GRM5: variants seen among roughly 807,000 people sequenced by gnomAD.
GRM5 encodes metabotropic glutamate receptor 5.
Under a neutral mutation model 83.1 loss-of-function variants are expected in GRM5, and 19 were observed. That is an observed-to-expected ratio of 0.23 (90% CI 0.16 to 0.34). The LOEUF (loss-of-function observed/expected upper bound fraction) is 0.34, where lower values mean the gene tolerates loss of function less well. GRM5 is among the 10% of genes least tolerant of loss of function. The pLI, the probability that GRM5 is intolerant of heterozygous loss-of-function variation, is 1.00. For synonymous variants in GRM5, 675 were observed against 633.6 expected, an observed-to-expected ratio of 1.07 and a Z score of -0.98; for missense variants, 1,160 against 1,588.3, an observed-to-expected ratio of 0.73 and a Z score of 4.58.
At chr11:88,975,734 A>G (rs1939314142) in intron 2 of GRM5, among the ~76,000 whole-genome samples, 1 of 152,230 alleles carries the variant, frequency 6.6e-6, no homozygotes, top group Admixed American at 6.5e-5. Flanking sequence ...ATCTAAATGT[A>G]TTATATAACA....
At chr11:88,615,181 T>A (rs1938437577) in intron 4 of GRM5, among the ~76,000 whole-genome samples, 1 of 152,080 alleles carries the variant, frequency 6.6e-6, no homozygotes, top group Non-Finnish European at 1.5e-5. Context: ...TGAGCAGCAT[T>A]AGGATCTTGT....
chr11:88,572,850 G>T (rs542896108), intron 7 of GRM5, among the ~76,000 whole-genome samples: 6 of 151,962 alleles, frequency 3.9e-5, no homozygotes, highest in African/African-American at 9.7e-5. Flanking sequence ...AGTCTAAAGC[G>T]CATATAATGT....
chr11:88,512,245 G>C (rs308882), intron 9 of GRM5: 34,529 of 154,190 alleles, frequency 0.22, 4,069 homozygotes, highest in African/African-American at 0.3. Context: ...TGTGCCTTTG[G>C]TTACAGTGCC....
At chr11:88,952,790 C>A (rs1938503842) in intron 2 of GRM5, among the ~76,000 whole-genome samples, 1 of 151,906 alleles carries the variant, frequency 6.6e-6, no homozygotes, top group African/African-American at 2.4e-5. Context: ...CTTGGGCAAT[C>A]ATTTCCATTT....
At chr11:88,526,328 C>T (rs1455022204) in intron 8 of GRM5, among the ~76,000 whole-genome samples, 1 of 152,104 alleles carries the variant, frequency 6.6e-6, no homozygotes, top group Non-Finnish European at 1.5e-5. Context: ...CAGAAATAAC[C>T]TCTTTTACTC....
intron 3 of GRM5, among the ~76,000 whole-genome samples, chr11:88,761,651 C>T (rs1463581740): frequency 2.6e-5 from 4 of 151,962 alleles, no homozygotes; most frequent in Non-Finnish European, 5.9e-5. Context: ...AGATTCAATG[C>T]TATTCCTATC....
chr11:88,983,047 C>T (rs371784876), intron 2 of GRM5, among the ~76,000 whole-genome samples: 9 of 150,650 alleles, frequency 6.0e-5, no homozygotes, highest in Non-Finnish European at 1.0e-4. Context: ...GCCTGGGCAA[C>T]GAGAGCGAAA....
intron 2 of GRM5, among the ~76,000 whole-genome samples, chr11:88,897,247 T>C (rs1945240864): frequency 6.6e-6 from 1 of 151,964 alleles, no homozygotes; most frequent in Non-Finnish European, 1.5e-5. Flanking sequence ...TAAACTGACA[T>C]TCACCAAACT....
intron 2 of GRM5, among the ~76,000 whole-genome samples, chr11:88,994,487 T>TA (rs1940109702): frequency 9.8e-6 from 1 of 102,108 alleles, no homozygotes; most frequent in South Asian, 3.2e-4. Context: ...ATATATATAT[T>TA]ACAATTGCTG....
At chr11:88,741,823 G>C (rs1565209736) in intron 3 of GRM5, among the ~76,000 whole-genome samples, 1 of 151,938 alleles carries the variant, frequency 6.6e-6, no homozygotes, top group Non-Finnish European at 1.5e-5. Context: ...TGGGTGGGAG[G>C]GTTAAGAGAG....
In GRM5 at chr11:88,771,913, T is replaced by A. The variant is rs190006271; in HGVS notation, c.911+77993A>T. ...ATCACTGGTTTGTTCTCCCTCACTA[T>A]GGTTTTGTCTTTTTGAGAATGTCAT... is the stretch of plus-strand genomic sequence containing the variant. On this transcript the variant is annotated intron_variant, in intron 3 of 9. Coordinates refer to ENST00000305447, the MANE Select transcript of GRM5 (RefSeq NM_001143831.3). 1.1e-4 allele frequency among the ~76,000 whole-genome samples: 16 copies of A among 152,252 alleles called. No homozygotes were observed. The East Asian group carries it at 1.4e-3, about 13-fold the overall frequency.
At chr11:88,989,082 C>T in intron 2 of GRM5, among the ~76,000 whole-genome samples, 1 of 151,296 alleles carries the variant, frequency 6.6e-6, no homozygotes, top group African/African-American at 2.4e-5. Flanking sequence ...GATGAAGAGT[C>T]AAGACCCATC....
intron 4 of GRM5, among the ~76,000 whole-genome samples, chr11:88,651,270 A>T (rs2135303437): frequency 6.6e-6 from 1 of 152,224 alleles, no homozygotes; most frequent in Non-Finnish European, 1.5e-5. Flanking sequence ...GAGGCATTTC[A>T]GACCAAAAAA....
rs144139384 is a variant in GRM5 at position 88,513,885 on chromosome 11, C to T, written c.2727-4381G>A. Among the ~76,000 whole-genome samples the T allele has an allele frequency of 7.0e-3, 1,069 of 152,212 alleles. 15 individuals carry two copies. Among genetic ancestry groups the T allele is most frequent in the African/African-American group, 0.024 (1,012 of 41,534 alleles). On this transcript the variant is annotated intron_variant, in intron 9 of 9. Transcript: ENST00000305447. ...CAAGGGGTTATTCATTAACATTAAA[C>T]CTTCTATTCAGTTGAGCTAAGATGT...
At chr11:88,601,091 A>T (rs1001481351) in intron 5 of GRM5, among the ~76,000 whole-genome samples, 2 of 152,170 alleles carry the variant, frequency 1.3e-5, no homozygotes, top group African/African-American at 4.8e-5. Context: ...AAAGAAGGTA[A>T]ATTTTTACTT....
intron 3 of GRM5, among the ~76,000 whole-genome samples, chr11:88,767,271 T>C (rs1453270375): frequency 6.6e-6 from 1 of 152,022 alleles, no homozygotes; most frequent in East Asian, 1.9e-4. Context: ...GGTGTGTCAA[T>C]TCCTCAAATA....
Position 88,825,463 on chromosome 11 carries a change from A to G in GRM5, c.911+24443T>C, listed in dbSNP as rs186029510. On this transcript the variant is annotated intron_variant, in intron 3 of 9. Transcript: ENST00000305447. ...TACTTTCCTTACTTGCCACTCTACCATCTTCATTATATTGAGAAATGAGTT... is the reference window on the plus strand; with the variant it reads ...TACTTTCCTTACTTGCCACTCTACCGTCTTCATTATATTGAGAAATGAGTT... 5.7e-3 allele frequency among the ~76,000 whole-genome samples: 873 copies of G among 152,252 alleles called. 8 individuals are homozygous for G. Among genetic ancestry groups the G allele is most frequent in the African/African-American group, 0.02 (826 of 41,544 alleles).
At chr11:88,750,194 T>C (rs1014048457) in intron 3 of GRM5, among the ~76,000 whole-genome samples, 1 of 151,858 alleles carries the variant, frequency 6.6e-6, no homozygotes, top group African/African-American at 2.4e-5. Context: ...AAGAGACCCA[T>C]CTCACATGCA....
Position 88,604,758 on chromosome 11 carries a change from C to T in GRM5, c.1354G>A (p.Asp452Asn). 3 of 1,612,368 alleles carry T rather than the reference C, an allele frequency of 1.9e-6. No homozygotes were observed. The highest frequency in any genetic ancestry group is 1.7e-4 in the Middle Eastern group (1 of 6,056). Reference sequence around the variant, plus strand: ...CCATTCTCATCGAATAGGATCGTATCTCCAGAAACCCCAGTAAAATTGGTT... The same window carrying T: ...CCATTCTCATCGAATAGGATCGTATTTCCAGAAACCCCAGTAAAATTGGTT... ...MKTNFTGVSG[D>N]TILFDENGDS... The change falls in exon 5 of 10, where the codon GAT becomes AAT. Residue 452 changes from aspartate (D) to asparagine (N), a missense_variant. Transcript: ENST00000305447.
Sources: allele counts gnomAD v4.1 joint callset (sites outside exome capture counted in the v4.1 genomes callset), GRCh38; gene constraint gnomAD v4.1.1; transcripts MANE v1.5; gene names NCBI Gene and HGNC (gene_info 2026-07-23, HGNC 2026-07-21).